The following KAZN variants were observed in gnomAD, a reference collection of about 807,000 sequenced individuals.
The protein encoded by KAZN is kazrin, periplakin interacting protein, also known as kazrin.
In KAZN, 40 loss-of-function variants were observed where a neutral mutation model predicts 87.4. That is an observed-to-expected ratio of 0.46 (90% CI 0.36 to 0.60). The LOEUF (loss-of-function observed/expected upper bound fraction) is 0.60. KAZN is among the 20% of genes least tolerant of loss of function. The pLI, the probability that KAZN is intolerant of heterozygous loss-of-function variation, is 0.00. For missense variants in KAZN, 898 were observed against 1,073.9 expected, an observed-to-expected ratio of 0.84 and a Z score of 2.29; for synonymous variants, 466 against 458.3, an observed-to-expected ratio of 1.02 and a Z score of -0.22.
intron 2 of KAZN, among the ~76,000 whole-genome samples, chr1:14,472,556 G>T (rs1279370080): frequency 6.6e-6 from 1 of 152,102 alleles, no homozygotes; most frequent in East Asian, 1.9e-4. Flanking sequence ...CTTCCAGGAG[G>T]GTAAGAAAGT....
intron 1 of KAZN, among the ~76,000 whole-genome samples, chr1:14,752,775 G>A (rs1644448163): frequency 6.6e-6 from 1 of 152,152 alleles, no homozygotes; most frequent in South Asian, 2.1e-4. Context: ...CATAGCAAGA[G>A]CCAAAACCAG....
intron 1 of KAZN, among the ~76,000 whole-genome samples, chr1:14,877,372 A>G (rs973478169): frequency 2.0e-5 from 3 of 152,196 alleles, no homozygotes; most frequent in South Asian, 2.1e-4. Context: ...CTTTGGTTAC[A>G]TGCATATTTC....
At chr1:14,278,170 CAAAAAAAAAA>C (rs34057998) in intron 2 of KAZN, among the ~76,000 whole-genome samples, 3 of 55,880 alleles carry the variant, frequency 5.4e-5, no homozygotes, top group Non-Finnish European at 1.3e-4. Flanking sequence ...AACTCTGTCT[CAAAAAAAAAA>C]AAAAAAAAAA....
At chr1:13,950,721 A>G (rs1249224113) in intron 1 of KAZN, among the ~76,000 whole-genome samples, 1 of 152,162 alleles carries the variant, frequency 6.6e-6, no homozygotes, top group Non-Finnish European at 1.5e-5. Flanking sequence ...GAGCAGAGGA[A>G]CGAATACCCC....
chr1:14,453,222 T>G (rs1196137684), intron 2 of KAZN, among the ~76,000 whole-genome samples: 1 of 152,102 alleles, frequency 6.6e-6, no homozygotes, highest in Non-Finnish European at 1.5e-5. Context: ...CCCAAAGTGC[T>G]GGGATTACAG....
chr1:14,681,316 T>TAAAG, intron 1 of KAZN, among the ~76,000 whole-genome samples: 1 of 152,274 alleles, frequency 6.6e-6, no homozygotes, highest in East Asian at 1.9e-4. Context: ...CTACTCGGAG[T>TAAAG]AAAGCTACTA....
intron 1 of KAZN, among the ~76,000 whole-genome samples, chr1:14,790,272 A>G (rs150514233): frequency 0.016 from 2,502 of 151,938 alleles, 40 homozygotes; most frequent in African/African-American, 0.042. Context: ...TCGGCCTCCC[A>G]AAGTGCTGGG....
intron 1 of KAZN, among the ~76,000 whole-genome samples, chr1:14,805,956 G>GTAAGC (rs1646205853): frequency 1.3e-5 from 2 of 152,096 alleles, no homozygotes; most frequent in African/African-American, 4.8e-5. Context: ...AGAACAACTA[G>GTAAGC]CCTTAATGTG....
intron 1 of KAZN, among the ~76,000 whole-genome samples, chr1:14,608,395 G>A (rs778569847): frequency 6.6e-5 from 10 of 152,194 alleles, no homozygotes; most frequent in Non-Finnish European, 1.3e-4. Context: ...GTCTAGATGG[G>A]TGTAATGGAA....
intron 1 of KAZN, among the ~76,000 whole-genome samples, chr1:13,990,622 A>G (rs575850592): frequency 5.8e-4 from 88 of 152,300 alleles, no homozygotes; most frequent in African/African-American, 1.9e-3. Flanking sequence ...AGGTGCACAC[A>G]TTTGTTAAAA....
intron 1 of KAZN, among the ~76,000 whole-genome samples, chr1:14,818,658 A>G (rs1646644943): frequency 6.6e-6 from 1 of 152,196 alleles, no homozygotes; most frequent in African/African-American, 2.4e-5. Flanking sequence ...CCAAACCCAA[A>G]TGGAGGCCAA....
rs369847872 is a variant in KAZN, at chr1:14,623,754, C to CT, written c.226+24540dup. Among the ~76,000 whole-genome samples, 1,024 of 151,432 alleles carry CT rather than the reference C, an allele frequency of 6.8e-3. 14 individuals are homozygous for CT. The highest frequency in any genetic ancestry group is 0.023 in the African/African-American group (943 of 41,324). ...TGATACCTTGTATGTTCATTTTCAT[C>CT]TTTTTTTTTCTCTTTTGATATCTAA... On this transcript the variant is annotated intron_variant, in intron 1 of 14. Coordinates refer to ENST00000376030, the MANE Select transcript of KAZN (RefSeq NM_201628.3).
At chr1:14,379,530 C>G (rs764146626) in intron 2 of KAZN, among the ~76,000 whole-genome samples, 2 of 152,112 alleles carry the variant, frequency 1.3e-5, no homozygotes, top group African/African-American at 2.4e-5. Flanking sequence ...AGGGTGAGTC[C>G]TAGGCCTGCC....
At chr1:13,938,639 A>G (rs1264203694) in intron 1 of KAZN, among the ~76,000 whole-genome samples, 2 of 152,204 alleles carry the variant, frequency 1.3e-5, no homozygotes, top group Non-Finnish European at 2.9e-5. Flanking sequence ...GCAGTGGCGA[A>G]GGAAAACGTG....
chr1:14,067,656 G>A (rs1327228302), intron 1 of KAZN, among the ~76,000 whole-genome samples: 1 of 152,094 alleles, frequency 6.6e-6, no homozygotes, highest in Non-Finnish European at 1.5e-5. Context: ...TGCTTCCTGG[G>A]TTAGTCCCAC....
chr1:14,961,325 G>A (rs1291672363), intron 2 of KAZN, among the ~76,000 whole-genome samples: 1 of 152,218 alleles, frequency 6.6e-6, no homozygotes, highest in Admixed American at 6.5e-5. Flanking sequence ...GGGCCCAGAG[G>A]AAGGAGTTGG....
At chr1:14,002,594 C>T (rs540871658) in intron 1 of KAZN, among the ~76,000 whole-genome samples, 20 of 152,170 alleles carry the variant, frequency 1.3e-4, no homozygotes, top group African/African-American at 2.6e-4. Context: ...CTTTATCAGC[C>T]GTGTGAAAAT....
chr1:14,504,343 A>C (rs1189587229), intron 2 of KAZN, among the ~76,000 whole-genome samples: 1 of 152,200 alleles, frequency 6.6e-6, no homozygotes, highest in Non-Finnish European at 1.5e-5. Context: ...GTCTTGAGTT[A>C]AAATGCTACA....
intron 1 of KAZN, among the ~76,000 whole-genome samples, chr1:13,926,404 G>A (rs1335016788): frequency 3.3e-5 from 5 of 152,168 alleles, no homozygotes; most frequent in South Asian, 2.1e-4. Context: ...TGAAATTTTC[G>A]AATTCCATGT....
Sources: allele counts gnomAD v4.1 joint callset (sites outside exome capture counted in the v4.1 genomes callset), GRCh38; gene constraint gnomAD v4.1.1; transcripts MANE v1.5; gene names NCBI Gene and HGNC (gene_info 2026-07-23, HGNC 2026-07-21).